ADCK1: variants seen among roughly 807,000 people sequenced by gnomAD.
ADCK1 encodes aarF domain containing kinase 1.
A neutral mutation model predicts 52.3 loss-of-function variants in ADCK1; 41 were observed. The ratio of observed to expected loss-of-function variants is 0.78; its 90% CI spans 0.61 to 1.02. The LOEUF is 1.02. Among genes scored for constraint, ADCK1 ranks in the 50% least tolerant of loss-of-function variants. The pLI is 0.00. For synonymous variants in ADCK1, 250 were observed against 274.6 expected, an observed-to-expected ratio of 0.91 and a Z score of 0.89; for missense variants, 658 against 679.5, an observed-to-expected ratio of 0.97 and a Z score of 0.35.
intron 7 of ADCK1, among the ~76,000 whole-genome samples, chr14:77,919,110 A>G (rs1463758833): frequency 6.6e-6 from 1 of 152,064 alleles, no homozygotes; most frequent in African/African-American, 2.4e-5. Flanking sequence ...CTGGAGTGCA[A>G]TGGTGTGATC....
At chr14:77,914,598 A>G (rs1309563680) in intron 7 of ADCK1, 2 of 985,196 alleles carry the variant, frequency 2.0e-6, no homozygotes, top group Non-Finnish European at 2.4e-6. Flanking sequence ...GGGTGGGAAG[A>G]GCAGAGGGTT....
At chr14:77,930,914 G>C (rs1374414373) in intron 9 of ADCK1, among the ~76,000 whole-genome samples, 1 of 151,828 alleles carries the variant, frequency 6.6e-6, no homozygotes, top group African/African-American at 2.4e-5. Context: ...GGGGAGGCCA[G>C]ACCCCAAACT....
intron 5 of ADCK1, among the ~76,000 whole-genome samples, chr14:77,890,038 G>A (rs2140215902): frequency 6.6e-6 from 1 of 152,328 alleles, no homozygotes. Context: ...ATTGAGCAAT[G>A]CTGCTATATT....
intron 3 of ADCK1, among the ~76,000 whole-genome samples, chr14:77,858,403 A>AT (rs1015726278): frequency 7.9e-4 from 118 of 148,888 alleles, no homozygotes; most frequent in African/African-American, 2.6e-3. Context: ...TGCCTGGATA[A>AT]TTTTTTTTTT....
At chr14:77,886,934 AC>A (rs10711154) in intron 4 of ADCK1, among the ~76,000 whole-genome samples, 156 bp from the exon 5 acceptor site, 6,502 of 125,404 alleles carry the variant, frequency 0.052, 281 homozygotes, top group African/African-American at 0.13. Flanking sequence ...ACACACACAC[AC>A]ACACACGCAC....
At position 77,838,020 on chromosome 14, in the gene ADCK1, C is replaced by G. The variant is rs538290189; in HGVS notation, c.219+15502C>G. Among the ~76,000 whole-genome samples, 108 of 152,138 alleles carry G rather than the reference C, an allele frequency of 7.1e-4. 1 individual carries two copies. The highest frequency in any genetic ancestry group is 7.1e-3 in the Admixed American group (108 of 15,252). ...AAATTGACGGAAGGCACTCCGCAGC[C>G]GTAAGGGTGATCGAGATGCTTGTTA... On this transcript the variant is annotated intron_variant, in intron 3 of 10. Transcript: ENST00000238561.
chr14:77,852,887 A>G (rs1348854120), intron 3 of ADCK1, among the ~76,000 whole-genome samples: 2 of 27,490 alleles, frequency 7.3e-5, no homozygotes, highest in East Asian at 4.4e-4. Flanking sequence ...ATGTGTGTAT[A>G]TATATATATA....
intron 1 of ADCK1, among the ~76,000 whole-genome samples, chr14:77,814,695 C>CAAAAAAAAAAAAAA (rs995163952): frequency 1.3e-3 from 45 of 35,796 alleles, no homozygotes; most frequent in Non-Finnish European, 1.5e-3. Context: ...AAGACACTCT[C>CAAAAAAAAAAAAAA]AAAAAAAAAA....
At position 77,859,226 on chromosome 14, in the gene ADCK1, C is replaced by T. The variant is rs1325750233; in HGVS notation, c.370C>T (p.Gln124Ter). The T allele has an allele frequency of 1.2e-6, 2 of 1,614,030 alleles. No individual in the cohort carries two copies. Among genetic ancestry groups the T allele is most frequent in the South Asian group, 2.2e-5 (2 of 91,066 alleles). ...GAAGGTACTGCACAGCCAGGCTCCACAGAGCAGCATGCAAGAGATCCGCCA... is the reference window on the plus strand; with the variant it reads ...GAAGGTACTGCACAGCCAGGCTCCATAGAGCAGCATGCAAGAGATCCGCCA... ...TLKVLHSQAP[Q>*]SSMQEIRQVI... is the part of the protein sequence containing the mutation. Residue 124 changes from glutamine to a stop codon, truncating the protein, a stop_gained, in exon 4 of 11, where the codon CAG (glutamine) becomes TAG (stop). Coordinates refer to ENST00000238561, the MANE Select transcript of ADCK1 (RefSeq NM_020421.4). LOFTEE classifies it high-confidence loss of function.
intron 7 of ADCK1, among the ~76,000 whole-genome samples, chr14:77,919,169 C>T (rs2083992195): frequency 6.6e-6 from 1 of 152,206 alleles, no homozygotes. Flanking sequence ...TTCTCCTCTG[C>T]CTCCCAAAGT....
chr14:77,925,892 C>T lies in ADCK1; in HGVS notation c.1137C>T (p.Cys379=). The part of the protein sequence containing the change: ...GAGDLYPLFA[C]MLTARSWDSV... ...GGGATCTCTACCCCTTGTTTGCCTG[C>T]ATGCTGACGGCGCGATCGTGGGACT... Residue 379 remains cysteine (C), a synonymous_variant, in exon 9 of 11, where the codon TGC becomes TGT. Coordinates refer to ENST00000238561, the MANE Select transcript of ADCK1 (RefSeq NM_020421.4). 6.2e-7 allele frequency: 1 copy of T among 1,614,218 alleles called. No homozygotes were observed. Among genetic ancestry groups the T allele is most frequent in the Non-Finnish European group, 8.5e-7 (1 of 1,180,038 alleles).
At chr14:77,894,382 G>A (rs892940698) in intron 5 of ADCK1, among the ~76,000 whole-genome samples, 1 of 152,084 alleles carries the variant, frequency 6.6e-6, no homozygotes, top group African/African-American at 2.4e-5. Flanking sequence ...CTTTTATAAT[G>A]TACAGTAACT....
chr14:77,873,455 G>A (rs1280736395), intron 4 of ADCK1, among the ~76,000 whole-genome samples: 2 of 152,246 alleles, frequency 1.3e-5, no homozygotes, highest in East Asian at 1.9e-4. Flanking sequence ...GCTGGCATGT[G>A]CATAAGTGTG....
At chr14:77,865,669 G>A (rs2082646624) in intron 4 of ADCK1, among the ~76,000 whole-genome samples, 2 of 152,292 alleles carry the variant, frequency 1.3e-5, no homozygotes, top group East Asian at 3.9e-4. Context: ...GCTTCATAGC[G>A]AGCCTTGGCG....
At chr14:77,868,826 G>A (rs1352475948) in intron 4 of ADCK1, among the ~76,000 whole-genome samples, 1 of 152,182 alleles carries the variant, frequency 6.6e-6, no homozygotes. Context: ...TTACCCATGT[G>A]CCACTGCAGC....
intron 4 of ADCK1, among the ~76,000 whole-genome samples, chr14:77,868,335 A>G (rs1409637925): frequency 1.3e-5 from 2 of 152,224 alleles, no homozygotes; most frequent in Non-Finnish European, 2.9e-5. Flanking sequence ...ATTCTGTTTC[A>G]GATGGAAGCT....
chr14:77,820,131 A>AAGT (rs1433872667), intron 2 of ADCK1, among the ~76,000 whole-genome samples: 3 of 152,102 alleles, frequency 2.0e-5, no homozygotes, highest in Non-Finnish European at 4.4e-5. Context: ...CCCAGCTACG[A>AAGT]AGTAGCTTCT....
chr14:77,904,328 A>C (rs959402298), intron 6 of ADCK1, among the ~76,000 whole-genome samples: 11 of 152,166 alleles, frequency 7.2e-5, no homozygotes, highest in Non-Finnish European at 1.6e-4. Flanking sequence ...TTTTTGGTGG[A>C]GAAACTGGTG....
intron 9 of ADCK1, among the ~76,000 whole-genome samples, chr14:77,927,964 A>G (rs2084235409): frequency 6.6e-6 from 1 of 152,184 alleles, no homozygotes; most frequent in Non-Finnish European, 1.5e-5. Context: ...CTTTTTAAGT[A>G]TCTCTCTCGA....
Sources: allele counts gnomAD v4.1 joint callset (sites outside exome capture counted in the v4.1 genomes callset), GRCh38; gene constraint gnomAD v4.1.1; transcripts MANE v1.5; gene names NCBI Gene and HGNC (gene_info 2026-07-23, HGNC 2026-07-21).